The following LSAMP variants were observed in gnomAD, a reference collection of about 807,000 sequenced individuals.
LSAMP encodes the protein limbic system-associated membrane protein.
LSAMP carries 7 observed loss-of-function variants against 38.6 expected under a neutral mutation model. The observed-to-expected ratio is 0.18, with a 90% confidence interval of 0.10 to 0.34. The LOEUF is 0.34. Among genes scored for constraint, LSAMP ranks in the 10% least tolerant of loss-of-function variants. The pLI is 1.00. For missense variants in LSAMP, 313 were observed against 420.0 expected, an observed-to-expected ratio of 0.75 and a Z score of 2.23; for synonymous variants, 154 against 166.8, an observed-to-expected ratio of 0.92 and a Z score of 0.59.
intron 2 of LSAMP, among the ~76,000 whole-genome samples, chr3:116,078,356 G>A (rs969060056): frequency 3.3e-5 from 5 of 149,742 alleles, no homozygotes; most frequent in Admixed American, 2.0e-4. Flanking sequence ...AAGGAGTCTC[G>A]CTCTGTTGCC....
chr3:116,212,409 A>G (rs376921662), intron 1 of LSAMP, among the ~76,000 whole-genome samples: 25 of 152,340 alleles, frequency 1.6e-4, no homozygotes, highest in African/African-American at 5.3e-4. Flanking sequence ...AGTTTTAAAC[A>G]GAATAGAGAA....
intron 1 of LSAMP, among the ~76,000 whole-genome samples, chr3:116,245,822 AAAG>A: frequency 6.6e-6 from 1 of 152,316 alleles, no homozygotes; most frequent in Middle Eastern, 3.4e-3. Flanking sequence ...GGGAAAAAGA[AAAG>A]AAAAATGGGA....
chr3:115,993,881 C>T (rs1939742592), intron 3 of LSAMP, among the ~76,000 whole-genome samples: 1 of 151,946 alleles, frequency 6.6e-6, no homozygotes, highest in Admixed American at 6.6e-5. Context: ...CACTTTACAC[C>T]TGTAGAGAAT....
intron 1 of LSAMP, among the ~76,000 whole-genome samples, chr3:116,271,253 ACTGT>A (rs1375714698): frequency 6.6e-6 from 1 of 152,086 alleles, no homozygotes; most frequent in Non-Finnish European, 1.5e-5. Context: ...TTTAAAAATA[ACTGT>A]CTGGTAAATA....
At chr3:116,371,446 C>T (rs1197654230) in intron 1 of LSAMP, among the ~76,000 whole-genome samples, 1 of 151,972 alleles carries the variant, frequency 6.6e-6, no homozygotes, top group Non-Finnish European at 1.5e-5. Context: ...AAAAAAAACA[C>T]ATTATCATCC....
intron 1 of LSAMP, among the ~76,000 whole-genome samples, chr3:116,378,263 T>C (rs1398069109): frequency 2.6e-5 from 4 of 152,066 alleles, no homozygotes; most frequent in South Asian, 4.1e-4. Flanking sequence ...CTGGAAGCTG[T>C]TGTGGTATTT....
intron 1 of LSAMP, among the ~76,000 whole-genome samples, chr3:116,186,605 C>T (rs1051741539): frequency 1.3e-5 from 2 of 152,094 alleles, no homozygotes; most frequent in African/African-American, 2.4e-5. Context: ...TGACAAATTC[C>T]CTCATGTTAT....
At chr3:116,277,534 T>A (rs2047072492) in intron 1 of LSAMP, among the ~76,000 whole-genome samples, 1 of 151,884 alleles carries the variant, frequency 6.6e-6, no homozygotes, top group South Asian at 2.1e-4. Context: ...CACGCCTGGC[T>A]AATTTTTTTG....
chr3:116,312,084 G>T (rs1266827333), intron 1 of LSAMP, among the ~76,000 whole-genome samples: 1 of 152,048 alleles, frequency 6.6e-6, no homozygotes, highest in Non-Finnish European at 1.5e-5. Flanking sequence ...GTTCTATTTG[G>T]CATTCTTATC....
chr3:116,113,420 A>ATATATATATATTTTTTTTT (rs1553705042), intron 1 of LSAMP, among the ~76,000 whole-genome samples: 1 of 51,028 alleles, frequency 2.0e-5, no homozygotes, highest in African/African-American at 9.6e-5. Context: ...ATATATATAT[A>ATATATATATATTTTTTTTT]TTTTTTTTTT....
chr3:116,091,796 G>A (rs1039644405), intron 1 of LSAMP, among the ~76,000 whole-genome samples: 11 of 152,182 alleles, frequency 7.2e-5, no homozygotes, highest in African/African-American at 2.4e-4. Flanking sequence ...AGAAAGAACC[G>A]GACCCTAATG....
intron 1 of LSAMP, among the ~76,000 whole-genome samples, chr3:116,169,848 A>G (rs193085392): frequency 6.6e-6 from 1 of 152,114 alleles, no homozygotes; most frequent in African/African-American, 2.4e-5. Context: ...GTGAAAATTG[A>G]GTCATTCATT....
chr3:116,031,114 T>C (rs2107703615), intron 2 of LSAMP, among the ~76,000 whole-genome samples: 1 of 152,222 alleles, frequency 6.6e-6, no homozygotes, highest in East Asian at 1.9e-4. Flanking sequence ...GATAAGTCAT[T>C]ATATCAAAAG....
intron 3 of LSAMP, among the ~76,000 whole-genome samples, chr3:116,010,796 T>C (rs1286961612): frequency 7.2e-5 from 11 of 152,222 alleles, no homozygotes; most frequent in Non-Finnish European, 1.5e-4. Context: ...TCTATAATTC[T>C]ATTGTATCAT....
chr3:116,100,694 C>T (rs545833141), intron 1 of LSAMP, among the ~76,000 whole-genome samples: 1 of 152,102 alleles, frequency 6.6e-6, no homozygotes, highest in Non-Finnish European at 1.5e-5. Flanking sequence ...TGATCATGTA[C>T]TCATCTTATT....
chr3:116,115,667 A>C (rs902373643), intron 1 of LSAMP, among the ~76,000 whole-genome samples: 1 of 152,140 alleles, frequency 6.6e-6, no homozygotes, highest in African/African-American at 2.4e-5. Context: ...TGAAGGCAAA[A>C]AACAAAAAAC....
chr3:116,147,566 A>C (rs1709517592), intron 1 of LSAMP, among the ~76,000 whole-genome samples: 1 of 151,962 alleles, frequency 6.6e-6, no homozygotes, highest in African/African-American at 2.4e-5. Context: ...TCAAGTTAGC[A>C]ATTTTGTCTA....
intron 1 of LSAMP, among the ~76,000 whole-genome samples, chr3:116,315,434 G>A (rs1405581892): frequency 6.6e-6 from 1 of 152,036 alleles, no homozygotes; most frequent in Non-Finnish European, 1.5e-5. Flanking sequence ...ATCTATGTTA[G>A]AAATGGGGAC....
intron 3 of LSAMP, 48 bp downstream of exon 3, chr3:116,019,467 C>T (rs542016521): frequency 1.3e-6 from 2 of 1,592,650 alleles, no homozygotes; most frequent in Non-Finnish European, 1.7e-6. Flanking sequence ...GGAGCATGAG[C>T]ATATTTTAAA....
Sources: gnomAD v4.1 joint callset for allele counts (sites outside exome capture counted in the v4.1 genomes callset) on GRCh38, gnomAD v4.1.1 for gene constraint, MANE v1.5 for transcripts, NCBI Gene and HGNC (gene_info 2026-07-23, HGNC 2026-07-21) for gene names.